Variants in SOS2 observed in about 807,000 individuals in gnomAD.
The protein encoded by SOS2 is son of sevenless homolog 2.
Under a neutral mutation model 148.2 loss-of-function variants are expected in SOS2, and 65 were observed. The ratio of observed to expected loss-of-function variants is 0.44; its 90% CI spans 0.36 to 0.54. The LOEUF (loss-of-function observed/expected upper bound fraction) is 0.54, where lower values mean the gene tolerates loss of function less well. Among genes scored for constraint, SOS2 ranks in the 20% least tolerant of loss-of-function variants. SOS2 has a pLI of 0.00. For missense variants in SOS2, 1,341 were observed against 1,590.2 expected, an observed-to-expected ratio of 0.84 and a Z score of 2.67; for synonymous variants, 539 against 537.1, an observed-to-expected ratio of 1.00 and a Z score of -0.05.
At chr14:50,198,915 T>C (rs1049473205) in intron 4 of SOS2, among the ~76,000 whole-genome samples, 2 of 152,160 alleles carry the variant, frequency 1.3e-5, no homozygotes, top group South Asian at 4.1e-4. Flanking sequence ...TCCCAACACT[T>C]TGGGAGGCTG....
At position 50,224,304 on chromosome 14, in the gene SOS2, A is replaced by ATATAT. The variant is rs1555324598; in HGVS notation, c.87+6892_87+6893insATATA. On this transcript the variant is annotated intron_variant, in intron 1 of 22. Transcript: ENST00000216373. ...AGACTCCGTCTCAGGAAAAAAAAAAAATATATATATACACACACACACACA... is the reference window on the plus strand; with the variant it reads ...AGACTCCGTCTCAGGAAAAAAAAAAATATATATATATATATACACACACACACACA... 4.1e-4 allele frequency among the ~76,000 whole-genome samples: 26 copies of ATATAT among 62,690 alleles called. 1 individual carries two copies. Among genetic ancestry groups the ATATAT allele is most frequent in the African/African-American group, 1.5e-3 (24 of 16,494 alleles). 41.1% of individuals were successfully genotyped at this position (62,690 alleles called of 152,430 possible).
intron 16 of SOS2, 109 bp downstream of exon 16, chr14:50,145,061 G>A (rs1884425180): frequency 2.0e-6 from 1 of 498,722 alleles, no homozygotes. Flanking sequence ...TATGAAGCAA[G>A]GATGAATTTA....
intron 12 of SOS2, 75 bp from the exon 13 acceptor site, chr14:50,153,248 G>T: frequency 1.3e-6 from 1 of 779,584 alleles, no homozygotes; most frequent in Non-Finnish European, 2.2e-6. Flanking sequence ...CTAATGCCAC[G>T]ATAATAGCTT....
intron 8 of SOS2, among the ~76,000 whole-genome samples, chr14:50,168,676 C>T (rs1885246498): frequency 6.6e-6 from 1 of 152,026 alleles, no homozygotes; most frequent in Admixed American, 6.6e-5. Flanking sequence ...TATAGAATGC[C>T]GTTTCGTGAT....
At chr14:50,136,103 C>A (rs1010744043) in intron 18 of SOS2, among the ~76,000 whole-genome samples, 1 of 152,176 alleles carries the variant, frequency 6.6e-6, no homozygotes, top group African/African-American at 2.4e-5. Flanking sequence ...TTGTATTACT[C>A]TTTTAACAAT....
intron 1 of SOS2, among the ~76,000 whole-genome samples, chr14:50,216,317 G>C (rs1284092662): frequency 6.6e-6 from 1 of 151,632 alleles, no homozygotes; most frequent in Non-Finnish European, 1.5e-5. Context: ...GGCTAGTCTT[G>C]AACTCCTGAG....
intron 4 of SOS2, among the ~76,000 whole-genome samples, chr14:50,198,998 A>T (rs776288220): frequency 6.6e-6 from 1 of 152,160 alleles, no homozygotes; most frequent in Non-Finnish European, 1.5e-5. Flanking sequence ...TCCAAAAAAT[A>T]TAAAAACAGC....
At chr14:50,204,845 A>G (rs1370618116) in intron 1 of SOS2, among the ~76,000 whole-genome samples, 2 of 152,034 alleles carry the variant, frequency 1.3e-5, no homozygotes, top group Non-Finnish European at 1.5e-5. Context: ...AGCTTTCACA[A>G]TAGCACTGTC....
chr14:50,183,918 A>T (rs369688885), intron 5 of SOS2, among the ~76,000 whole-genome samples: 1 of 152,210 alleles, frequency 6.6e-6, no homozygotes, highest in South Asian at 2.1e-4. Context: ...TCATTGTGCA[A>T]ATATCACGGC....
intron 2 of SOS2, among the ~76,000 whole-genome samples, chr14:50,203,487 AAAG>A (rs1886564353): frequency 6.6e-6 from 1 of 152,160 alleles, no homozygotes; most frequent in African/African-American, 2.4e-5. Flanking sequence ...CTTTTATACA[AAAG>A]AAGTAAAACT....
chr14:50,135,500 C>G (rs770968399), intron 18 of SOS2, among the ~76,000 whole-genome samples: 6 of 150,362 alleles, frequency 4.0e-5, no homozygotes, highest in Non-Finnish European at 3.0e-5. Flanking sequence ...AATGATTTTA[C>G]TGTGCATGTA....
intron 1 of SOS2, among the ~76,000 whole-genome samples, chr14:50,218,169 TAAA>T (rs1887090580): frequency 1.4e-5 from 1 of 71,562 alleles, no homozygotes; most frequent in Non-Finnish European, 2.8e-5. Context: ...AAGAAAAAGA[TAAA>T]AAGATAGTAT....
chr14:50,134,423 G>C lies in SOS2; in HGVS notation c.2959-184C>G, dbSNP rs141432386. On this transcript the variant is annotated intron_variant, in intron 18 of 22. Coordinates refer to ENST00000216373, the MANE Select transcript of SOS2 (RefSeq NM_006939.4). ...TGCTTATTCCAATCTCTTTACTTCT[G>C]AATAAGATTATATAATTTCTGTGGA... Among the ~76,000 whole-genome samples, 1,298 of 152,156 alleles carry C rather than the reference G, an allele frequency of 8.5e-3. 10 individuals are homozygous for C. Among genetic ancestry groups the C allele is most frequent in the Middle Eastern group, 0.044 (13 of 294 alleles).
At chr14:50,139,083 A>T (rs1300115199) in intron 17 of SOS2, among the ~76,000 whole-genome samples, 3 of 152,332 alleles carry the variant, frequency 2.0e-5, no homozygotes, top group African/African-American at 4.8e-5. Context: ...CACCAAGTGC[A>T]AATTGTGTTA....
chr14:50,135,071 C>CAAAAAAA (rs746540364), intron 18 of SOS2, among the ~76,000 whole-genome samples: 10 of 57,474 alleles, frequency 1.7e-4, no homozygotes, highest in South Asian at 7.4e-4. Flanking sequence ...GAGACTGTCT[C>CAAAAAAA]AAAAAAAAAA....
Position 50,168,350 on chromosome 14 carries a change from T to C in SOS2, c.1068+6104A>G, listed in dbSNP as rs534727302. Among the ~76,000 whole-genome samples, 5 of 152,294 alleles carry C rather than the reference T, an allele frequency of 3.3e-5. No homozygotes were observed. The South Asian group carries it at 8.3e-4, about 25-fold the overall frequency. The stretch of plus-strand genomic sequence containing the variant: ...GATCCTCTCATCTCAGTCTCACAAG[T>C]AGCTGTGACTACTGGCATGCATTAC... On this transcript the variant is annotated intron_variant, in intron 8 of 22. Transcript: ENST00000216373.
At chr14:50,229,460 G>A (rs1197197715) in intron 1 of SOS2, among the ~76,000 whole-genome samples, 1 of 151,132 alleles carries the variant, frequency 6.6e-6, no homozygotes, top group East Asian at 1.9e-4. Context: ...CCAAAGCAAT[G>A]GACTAGGATT....
At chr14:50,156,023 T>C (rs1352190926) in intron 12 of SOS2, 1 of 152,162 alleles carries the variant, frequency 6.6e-6, no homozygotes, top group Non-Finnish European at 1.5e-5. Context: ...CTGCATTTGT[T>C]TGTGGCAATT....
At chr14:50,221,376 AAAG>A (rs1887197767) in intron 1 of SOS2, among the ~76,000 whole-genome samples, 1 of 152,180 alleles carries the variant, frequency 6.6e-6, no homozygotes. Context: ...ACTCTTTCCT[AAAG>A]AAGATCTGCC....
Sources: gnomAD v4.1 joint callset for allele counts (sites outside exome capture counted in the v4.1 genomes callset) on GRCh38, gnomAD v4.1.1 for gene constraint, MANE v1.5 for transcripts, NCBI Gene and HGNC (gene_info 2026-07-23, HGNC 2026-07-21) for gene names.